GRAMD1B: variants seen among roughly 807,000 people sequenced by gnomAD.
GRAMD1B encodes protein Aster-B.
GRAMD1B carries 37 observed loss-of-function variants against 99.7 expected under a neutral mutation model. That is an observed-to-expected ratio of 0.37 (90% CI 0.29 to 0.49). The LOEUF is 0.49. Among genes scored for constraint, GRAMD1B ranks in the 20% least tolerant of loss-of-function variants. GRAMD1B has a pLI of 0.98. For missense variants in GRAMD1B, 888 were observed against 1,009.2 expected, an observed-to-expected ratio of 0.88 and a Z score of 1.63; for synonymous variants, 427 against 387.6, an observed-to-expected ratio of 1.10 and a Z score of -1.19.
intron 1 of GRAMD1B, among the ~76,000 whole-genome samples, chr11:123,393,720 A>G (rs989175079): frequency 1.3e-5 from 2 of 152,194 alleles, no homozygotes; most frequent in African/African-American, 4.8e-5. Flanking sequence ...CACAGAAGTC[A>G]CATCCTGTTG....
chr11:123,496,467 C>T (rs1256898589), intron 2 of GRAMD1B, among the ~76,000 whole-genome samples: 1 of 152,010 alleles, frequency 6.6e-6, no homozygotes, highest in Non-Finnish European at 1.5e-5. Flanking sequence ...GCTTGGTGCT[C>T]TATAACCTTC....
At chr11:123,401,954 TG>T (rs1407361338) in intron 1 of GRAMD1B, among the ~76,000 whole-genome samples, 79 of 152,192 alleles carry the variant, frequency 5.2e-4, no homozygotes, top group African/African-American at 1.8e-3. Flanking sequence ...GTGTGTCCAT[TG>T]GTTGTTACAC....
intron 16 of GRAMD1B, among the ~76,000 whole-genome samples, chr11:123,614,160 T>C (rs1198591966): frequency 6.6e-6 from 1 of 152,196 alleles, no homozygotes; most frequent in Non-Finnish European, 1.5e-5. Context: ...TGCTGAATCC[T>C]GGAAACCTGG....
chr11:123,417,985 A>C (rs188958087), intron 1 of GRAMD1B, among the ~76,000 whole-genome samples: 53 of 152,132 alleles, frequency 3.5e-4, no homozygotes, highest in African/African-American at 1.1e-3. Context: ...GGCTGGTCTC[A>C]AACTCCTGTC....
chr11:123,608,607 C>G (rs879053886), intron 11 of GRAMD1B, 52 bp from the exon 12 acceptor site: 2 of 1,559,666 alleles, frequency 1.3e-6, no homozygotes, highest in Admixed American at 3.8e-5. Flanking sequence ...TCCCTGGGGC[C>G]CCCTCCCCCT....
intron 1 of GRAMD1B, among the ~76,000 whole-genome samples, chr11:123,418,024 C>G (rs929320308): frequency 6.6e-6 from 1 of 152,102 alleles, no homozygotes; most frequent in Non-Finnish European, 1.5e-5. Flanking sequence ...CTTGGCCTCC[C>G]GAAGTGCTGG....
intron 2 of GRAMD1B, chr11:123,525,683 A>G (rs954082456): frequency 2.8e-5 from 5 of 181,470 alleles, no homozygotes; most frequent in African/African-American, 1.2e-4. Flanking sequence ...AGAGAGGTGC[A>G]GCTTCTGCTA....
chr11:123,457,691 C>T (rs141770201), intron 1 of GRAMD1B, among the ~76,000 whole-genome samples: 147 of 152,280 alleles, frequency 9.7e-4, no homozygotes, highest in Non-Finnish European at 9.1e-4. Flanking sequence ...CACTGTGCTC[C>T]GTGCTCTATT....
intron 2 of GRAMD1B, among the ~76,000 whole-genome samples, chr11:123,540,655 T>C (rs938117669): frequency 6.6e-6 from 1 of 152,072 alleles, no homozygotes; most frequent in African/African-American, 2.4e-5. Context: ...TTAGAAAATA[T>C]AAAGAGCCAA....
At chr11:123,554,921 G>A (rs1946016803) in intron 2 of GRAMD1B, among the ~76,000 whole-genome samples, 1 of 152,170 alleles carries the variant, frequency 6.6e-6, no homozygotes, top group East Asian at 1.9e-4. Flanking sequence ...AGAGGGTGTG[G>A]CCATTGCCCA....
intron 1 of GRAMD1B, among the ~76,000 whole-genome samples, chr11:123,403,893 C>T (rs1947762603): frequency 6.6e-6 from 1 of 152,106 alleles, no homozygotes; most frequent in Non-Finnish European, 1.5e-5. Flanking sequence ...GGCATTTTAG[C>T]CTAGTCTTTG....
intron 2 of GRAMD1B, among the ~76,000 whole-genome samples, chr11:123,513,587 TTC>T (rs1941315644): frequency 8.2e-5 from 6 of 72,744 alleles, no homozygotes; most frequent in African/African-American, 3.2e-4. Flanking sequence ...CTTTCCTTCC[TTC>T]CTTCCTTCCT....
chr11:123,478,601 A>G (rs926148704), intron 1 of GRAMD1B, among the ~76,000 whole-genome samples: 1 of 152,092 alleles, frequency 6.6e-6, no homozygotes, highest in Non-Finnish European at 1.5e-5. Context: ...TAGTGGGTAA[A>G]CTTGCAAATA....
chr11:123,572,928 A>G (rs1948294069), intron 2 of GRAMD1B, among the ~76,000 whole-genome samples: 1 of 151,124 alleles, frequency 6.6e-6, no homozygotes, highest in Non-Finnish European at 1.5e-5. Context: ...GCAGAGGCAC[A>G]AAGAGGCCCC....
intron 1 of GRAMD1B, among the ~76,000 whole-genome samples, chr11:123,371,899 T>A (rs1271675727): frequency 6.6e-6 from 1 of 152,138 alleles, no homozygotes; most frequent in Admixed American, 6.6e-5. Flanking sequence ...TGCAGTTTGG[T>A]GGAGCTGCAT....
intron 17 of GRAMD1B, among the ~76,000 whole-genome samples, chr11:123,616,737 C>G (rs1954447927): frequency 1.3e-5 from 2 of 152,238 alleles, no homozygotes; most frequent in South Asian, 4.1e-4. Flanking sequence ...CCTCCTTTCT[C>G]TATTTCGACA....
chr11:123,514,507 A>G (rs1248944578), intron 2 of GRAMD1B, among the ~76,000 whole-genome samples: 3 of 152,208 alleles, frequency 2.0e-5, no homozygotes, highest in Non-Finnish European at 2.9e-5. Flanking sequence ...GCAGATAGTC[A>G]CTGAATGGTG....
intron 1 of GRAMD1B, among the ~76,000 whole-genome samples, chr11:123,447,645 G>T (rs1949701831): frequency 6.6e-6 from 1 of 152,192 alleles, no homozygotes; most frequent in African/African-American, 2.4e-5. Context: ...GCCTCAGTGA[G>T]ATTATAAAAT....
chr11:123,443,481 T>C lies in GRAMD1B; in HGVS notation c.374+12315T>C, dbSNP rs143679598. Reference sequence around the variant, plus strand: ...GACAATAATCAATACATGTGAGGTATATATTGGTTTGGTCCAGAAAGGTTG... The same window carrying C: ...GACAATAATCAATACATGTGAGGTACATATTGGTTTGGTCCAGAAAGGTTG... On this transcript the variant is annotated intron_variant, in intron 1 of 19. Coordinates refer to ENST00000635736, the MANE Select transcript of GRAMD1B (RefSeq NM_001387025.1). 1.6e-3 allele frequency among the ~76,000 whole-genome samples: 246 copies of C among 152,302 alleles called. 11 individuals are homozygous for C. The highest frequency in any genetic ancestry group is 5.1e-4 in the Non-Finnish European group (35 of 68,020).
Sources: gnomAD v4.1 joint callset for allele counts (sites outside exome capture counted in the v4.1 genomes callset) on GRCh38, gnomAD v4.1.1 for gene constraint, MANE v1.5 for transcripts, NCBI Gene and HGNC (gene_info 2026-07-23, HGNC 2026-07-21) for gene names.